The following CYB5R4 variants were observed in gnomAD, a reference collection of about 807,000 sequenced individuals.
CYB5R4 encodes the protein N-terminal cytochrome b5 and cytochrome b5 oxidoreductase domain-containing protein.
Under a neutral mutation model 70.2 loss-of-function variants are expected in CYB5R4, and 55 were observed. That is an observed-to-expected ratio of 0.78 (90% confidence interval 0.63 to 0.98). The LOEUF (loss-of-function observed/expected upper bound fraction) is 0.98. Ranked by LOEUF, CYB5R4 falls within the 50% of genes least tolerant of loss-of-function variation. CYB5R4 has a pLI of 0.00. For missense variants in CYB5R4, 562 were observed against 612.6 expected (o/e 0.92, Z 0.87); for synonymous variants, 197 against 199.5 (o/e 0.99, Z 0.11).
At position 83,963,471 on chromosome 6, in the gene CYB5R4, T is replaced by C. The variant is rs988380835; in HGVS notation, c.*3593T>C. ...GGCAGAAAAAACAGATTCTGTATGATCTACAGTATTTAACATTGTGGCAAA... is the reference window on the plus strand; with the variant it reads ...GGCAGAAAAAACAGATTCTGTATGACCTACAGTATTTAACATTGTGGCAAA... On this transcript the variant is annotated 3_prime_UTR_variant, in exon 16 of 16. Coordinates refer to ENST00000369681, the MANE Select transcript of CYB5R4 (RefSeq NM_016230.4). 2.0e-5 allele frequency: 3 copies of C among 152,108 alleles called. No individual in the cohort carries two copies. The highest frequency in any genetic ancestry group is 7.2e-5 in the African/African-American group (3 of 41,414). 9.4% of individuals were successfully genotyped at this position (152,108 alleles called of 1,614,324 possible).
chr6:83,940,012 T>G, intron 12 of CYB5R4, 44 bp from the exon 13 acceptor site: 1 of 1,450,538 alleles, frequency 6.9e-7, no homozygotes. Flanking sequence ...TGTTTTGTTT[T>G]TTGTTTTTTT....
chr6:83,949,473 TTAG>T (rs2099471184), intron 14 of CYB5R4, among the ~76,000 whole-genome samples: 1 of 152,178 alleles, frequency 6.6e-6, no homozygotes, highest in African/African-American at 2.4e-5. Flanking sequence ...ACTTTCAGTT[TTAG>T]TAGTAAAGTT....
intron 14 of CYB5R4, among the ~76,000 whole-genome samples, chr6:83,949,026 CTT>C (rs1486931530): frequency 2.6e-5 from 4 of 151,580 alleles, no homozygotes; most frequent in African/African-American, 9.7e-5. Flanking sequence ...TCCCTAACCT[CTT>C]TCTGGAGACT....
Position 83,961,816 on chromosome 6 carries a change from G to C in CYB5R4, c.*1938G>C, listed in dbSNP as rs981939399. 1 of 151,542 alleles carries C rather than the reference G, an allele frequency of 6.6e-6. No homozygotes were observed. Among genetic ancestry groups the C allele is most frequent in the Non-Finnish European group, 1.5e-5 (1 of 67,902 alleles). 9.4% of individuals were successfully genotyped at this position (151,542 alleles called of 1,614,324 possible). ...TTTCTCTCTCCTTTCCCAAGCAACA[G>C]AATCTCCTATTAGTCGCTATATGTA... On this transcript the variant is annotated 3_prime_UTR_variant, in exon 16 of 16. Transcript: ENST00000369681.
intron 12 of CYB5R4, among the ~76,000 whole-genome samples, chr6:83,936,888 C>T (rs1031502571): frequency 1.3e-5 from 2 of 152,252 alleles, no homozygotes; most frequent in Non-Finnish European, 2.9e-5. Flanking sequence ...CAGAGTTCCA[C>T]AGATTTGTCA....
At chr6:83,928,375 A>G (rs997976818) in intron 10 of CYB5R4, among the ~76,000 whole-genome samples, 1 of 152,254 alleles carries the variant, frequency 6.6e-6, no homozygotes, top group South Asian at 2.1e-4. Context: ...CAAGTTATAC[A>G]GTACAAACTA....
chr6:83,938,551 T>C (rs2099469283), intron 12 of CYB5R4, among the ~76,000 whole-genome samples: 2 of 152,236 alleles, frequency 1.3e-5, no homozygotes, highest in South Asian at 4.1e-4. Context: ...ATATCCTCAA[T>C]GGGACATGTA....
intron 2 of CYB5R4, among the ~76,000 whole-genome samples, chr6:83,884,462 G>T (rs2099459951): frequency 6.6e-6 from 1 of 152,060 alleles, no homozygotes; most frequent in African/African-American, 2.4e-5. Context: ...GATAAAAAGG[G>T]TCATTTCATT....
rs1192360902 is a variant in CYB5R4 at position 83,938,895 on chromosome 6, C to T, written c.1109-1161C>T. Among the ~76,000 whole-genome samples the T allele has an allele frequency of 3.3e-5, 5 of 151,218 alleles. No homozygotes were observed. The South Asian group carries it at 8.4e-4, about 25-fold the overall frequency. On this transcript the variant is annotated intron_variant, in intron 12 of 15. Transcript: ENST00000369681. ...TGCCCAGGCTGGAGTGCAGTGGCAT[C>T]GCAATCTCGGCTCACTGCAACCTCC...
chr6:83,921,317 T>A, intron 8 of CYB5R4, 142 bp downstream of exon 8: 2 of 722,188 alleles, frequency 2.8e-6, no homozygotes, highest in Non-Finnish European at 2.0e-6. Context: ...TTTTTTCCTG[T>A]AATTTCTTTA....
intron 12 of CYB5R4, among the ~76,000 whole-genome samples, chr6:83,937,230 G>A (rs891279988): frequency 2.6e-5 from 4 of 151,954 alleles, no homozygotes; most frequent in Non-Finnish European, 4.4e-5. Flanking sequence ...AGCCGAGATC[G>A]TGCCACTGTA....
chr6:83,875,528 G>A (rs1434645839), intron 2 of CYB5R4, among the ~76,000 whole-genome samples: 6 of 152,174 alleles, frequency 3.9e-5, no homozygotes, highest in African/African-American at 1.2e-4. Context: ...CAGACCCCAA[G>A]AGAGGGTCCT....
intron 2 of CYB5R4, among the ~76,000 whole-genome samples, chr6:83,873,518 G>A (rs1207543836): frequency 6.6e-6 from 1 of 152,098 alleles, no homozygotes; most frequent in East Asian, 1.9e-4. Context: ...TGGGATTACA[G>A]GCATGAGCCA....
Position 83,962,618 on chromosome 6 carries a change from C to T in CYB5R4, c.*2740C>T, listed in dbSNP as rs1229635081. The T allele has an allele frequency of 6.6e-6, 1 of 152,174 alleles. No homozygotes were observed. The highest frequency in any genetic ancestry group is 1.5e-5 in the Non-Finnish European group (1 of 68,036). 9.4% of individuals were successfully genotyped at this position (152,174 alleles called of 1,614,324 possible). ...ACAGAAATCTAGGCACAATATGGCT[C>T]AACTGGGTCCTCTGCTTAAAGCCTC... On this transcript the variant is annotated 3_prime_UTR_variant, in exon 16 of 16. Coordinates refer to ENST00000369681, the MANE Select transcript of CYB5R4 (RefSeq NM_016230.4).
At chr6:83,896,831 T>G (rs1291508025) in intron 3 of CYB5R4, among the ~76,000 whole-genome samples, 1 of 152,160 alleles carries the variant, frequency 6.6e-6, no homozygotes, top group African/African-American at 2.4e-5. Flanking sequence ...ATATTTTAGT[T>G]TTTTAAGAAA....
chr6:83,895,322 C>T (rs1037457208), intron 3 of CYB5R4, among the ~76,000 whole-genome samples: 6 of 151,946 alleles, frequency 3.9e-5, no homozygotes, highest in African/African-American at 9.7e-5. Context: ...TGTGCCATCT[C>T]GCCTGGCTAA....
chr6:83,959,819 T>C lies in CYB5R4; in HGVS notation c.1512-5T>C. 1 of 1,596,864 alleles carries C rather than the reference T, an allele frequency of 6.3e-7. No individual in the cohort carries two copies. Among genetic ancestry groups the C allele is most frequent in the Non-Finnish European group, 8.5e-7 (1 of 1,171,610 alleles). On this transcript the variant is annotated splice_region_variant and splice_polypyrimidine_tract_variant and intron_variant, in intron 15 of 15. Coordinates refer to ENST00000369681, the MANE Select transcript of CYB5R4 (RefSeq NM_016230.4). ...AGAAACATGTGCTTTTTATTTGTTT[T>C]TCAGGTTGCTGCATGATCTCAACTT...
Position 83,864,175 on chromosome 6 carries a change from G to T in CYB5R4, c.76G>T (p.Val26Leu). ...QRVASGGRSKVPLKQGRSLMD... is the reference protein window; with the variant it reads ...QRVASGGRSKLPLKQGRSLMD... ...TAATTCTTCCTTTTTCCATTTTTAG[G>T]TACCTTTAAAACAGGGCAGAAGCCT... Residue 26 changes from valine to leucine, a missense_variant and splice_region_variant, in exon 2 of 16, where the codon GTA (valine) becomes TTA (leucine). Coordinates refer to ENST00000369681, the MANE Select transcript of CYB5R4 (RefSeq NM_016230.4). The T allele has an allele frequency of 1.3e-6, 2 of 1,541,096 alleles. No individual in the cohort carries two copies. The highest frequency in any genetic ancestry group is 8.7e-7 in the Non-Finnish European group (1 of 1,148,376).
intron 2 of CYB5R4, among the ~76,000 whole-genome samples, chr6:83,874,357 C>CT (rs1184817225): frequency 1.3e-5 from 2 of 150,964 alleles, no homozygotes; most frequent in Admixed American, 6.6e-5. Context: ...TACCTGGCTA[C>CT]TTTTTTAAAA....
Sources: gnomAD v4.1 joint callset for allele counts (sites outside exome capture counted in the v4.1 genomes callset) on GRCh38, gnomAD v4.1.1 for gene constraint, MANE v1.5 for transcripts, NCBI Gene and HGNC (gene_info 2026-07-23, HGNC 2026-07-21) for gene names.